PKIA: variants seen among roughly 807,000 people sequenced by gnomAD.
PKIA encodes the protein PKI-alpha.
Under a neutral mutation model 7.6 loss-of-function variants are expected in PKIA, and 4 were observed. The ratio of observed to expected loss-of-function variants is 0.52; its 90% CI spans 0.26 to 1.20. The LOEUF (loss-of-function observed/expected upper bound fraction) is 1.20, where lower values mean the gene tolerates loss of function less well. Among genes scored for constraint, PKIA ranks in the 50% most tolerant of loss-of-function variants. The probability of loss-of-function intolerance (pLI) is 0.13; values close to 1 mark genes in which losing one functional copy is unlikely to be tolerated. For missense variants in PKIA, 73 were observed against 86.2 expected (o/e 0.85, Z 0.61); for synonymous variants, 21 against 30.7 (o/e 0.68, Z 1.04).
At chr8:78,555,748 A>C (rs1315343956) in intron 1 of PKIA, among the ~76,000 whole-genome samples, 1 of 151,946 alleles carries the variant, frequency 6.6e-6, no homozygotes, top group Non-Finnish European at 1.5e-5. Flanking sequence ...TGTGTGTGTG[A>C]GAGAGTGTTT....
rs1808381705 is a variant in PKIA, at chr8:78,602,718, A to ATATATAT, written c.*897_*898insTATATAT. On this transcript the variant is annotated 3_prime_UTR_variant, in exon 4 of 4. Transcript: ENST00000396418. ...TAATATATATATATATATATATTTT[A>ATATATAT]ATTTATGAGAATTTTGGACAATTGG... 7.8e-6 allele frequency: 1 copy of ATATATAT among 128,414 alleles called. No individual in the cohort carries two copies. Among genetic ancestry groups the ATATATAT allele is most frequent in the African/African-American group, 3.2e-5 (1 of 31,210 alleles). The allele number at this position is 128,414 out of a possible 1,614,324, so 8.0% of individuals were successfully genotyped here.
At chr8:78,540,219 C>T (rs1356000478) in intron 1 of PKIA, among the ~76,000 whole-genome samples, 3 of 151,860 alleles carry the variant, frequency 2.0e-5, no homozygotes, top group Middle Eastern at 3.2e-3. Flanking sequence ...ATATAGGTCT[C>T]GAGGGTGCCA....
rs967724905 is a variant in PKIA at position 78,603,988 on chromosome 8, A to G, written c.*2167A>G. ...ACTTCTTACTACTGCTTTGTCTGCT[A>G]TATTCAAACCCAAAGGCATTCCCAA... On this transcript the variant is annotated 3_prime_UTR_variant, in exon 4 of 4. Transcript: ENST00000396418. The G allele has an allele frequency of 5.9e-5, 9 of 151,992 alleles. No individual in the cohort carries two copies. The highest frequency in any genetic ancestry group is 1.7e-4 in the African/African-American group (7 of 41,416). 9.4% of individuals were successfully genotyped at this position (151,992 alleles called of 1,614,324 possible).
chr8:78,518,709 C>T (rs193019822), intron 1 of PKIA, among the ~76,000 whole-genome samples: 11 of 152,300 alleles, frequency 7.2e-5, no homozygotes, highest in Middle Eastern at 6.8e-3. Context: ...GATTAGGAGA[C>T]TGGTGCTGCC....
chr8:78,525,034 C>T (rs370861405), intron 1 of PKIA, among the ~76,000 whole-genome samples: 3 of 151,770 alleles, frequency 2.0e-5, no homozygotes, highest in East Asian at 3.9e-4. Context: ...GAACTACCCT[C>T]TTCCCTGGTT....
chr8:78,588,297 A>G (rs201103654), intron 2 of PKIA, among the ~76,000 whole-genome samples: 1 of 152,028 alleles, frequency 6.6e-6, no homozygotes, highest in African/African-American at 2.4e-5. Flanking sequence ...CCTGACCAAC[A>G]TGGAGAAACC....
At chr8:78,518,550 A>G (rs1809358336) in intron 1 of PKIA, among the ~76,000 whole-genome samples, 1 of 152,240 alleles carries the variant, frequency 6.6e-6, no homozygotes, top group South Asian at 2.1e-4. Context: ...AATTGATCTT[A>G]GAAATACAAT....
At chr8:78,581,321 C>T (rs73687534) in intron 2 of PKIA, among the ~76,000 whole-genome samples, 2,657 of 151,958 alleles carry the variant, frequency 0.017, 75 homozygotes, top group African/African-American at 0.062. Flanking sequence ...ATAAAATGGT[C>T]AATGAGTTTA....
intron 2 of PKIA, among the ~76,000 whole-genome samples, chr8:78,576,746 A>G (rs1252826275): frequency 1.3e-5 from 2 of 152,016 alleles, no homozygotes; most frequent in Admixed American, 6.6e-5. Flanking sequence ...TGACAGTGGC[A>G]TAGTGAGATA....
chr8:78,518,011 CTCTT>C (rs1228956528), intron 1 of PKIA, among the ~76,000 whole-genome samples: 5 of 152,078 alleles, frequency 3.3e-5, no homozygotes, highest in African/African-American at 7.2e-5. Context: ...AAAATTTTAC[CTCTT>C]TCTTTCCTCT....
intron 1 of PKIA, among the ~76,000 whole-genome samples, chr8:78,519,814 A>AT (rs774495346): frequency 1.3e-5 from 2 of 152,138 alleles, no homozygotes; most frequent in Non-Finnish European, 2.9e-5. Context: ...TTTGTACCCC[A>AT]TGGTGGCATG....
intron 2 of PKIA, among the ~76,000 whole-genome samples, chr8:78,584,617 A>G (rs1002999672): frequency 3.3e-5 from 5 of 152,158 alleles, no homozygotes; most frequent in Non-Finnish European, 7.4e-5. Context: ...AACATTACTA[A>G]TGCATAATGC....
At chr8:78,594,763 G>C (rs1158284757) in intron 2 of PKIA, among the ~76,000 whole-genome samples, 1 of 152,134 alleles carries the variant, frequency 6.6e-6, no homozygotes, top group Admixed American at 6.5e-5. Flanking sequence ...AAAATCAATA[G>C]CATGTCTTAA....
At chr8:78,570,635 A>G (rs988242332) in intron 1 of PKIA, among the ~76,000 whole-genome samples, 8 of 151,870 alleles carry the variant, frequency 5.3e-5, no homozygotes, top group Non-Finnish European at 2.9e-5. Flanking sequence ...AAATCATTCA[A>G]TGGCTTTCCA....
rs2130297253 is a variant in PKIA, at chr8:78,601,773, A to G, written c.183A>G (p.Thr61=). 6.2e-7 allele frequency: 1 copy of G among 1,612,536 alleles called. No individual in the cohort carries two copies. The part of the protein sequence containing the change: ...EGEEDAQRSS[T]EQSGEAQGEA... Reference sequence around the variant, plus strand: ...AAGAAGATGCACAACGAAGTTCTACAGAACAAAGTGGGGAAGCCCAGGGAG... The same window carrying G: ...AAGAAGATGCACAACGAAGTTCTACGGAACAAAGTGGGGAAGCCCAGGGAG... Residue 61 remains threonine, a synonymous_variant, in exon 4 of 4, where the codon ACA becomes ACG. Transcript: ENST00000396418.
intron 2 of PKIA, among the ~76,000 whole-genome samples, chr8:78,597,526 G>A (rs190496273): frequency 1.6e-4 from 24 of 152,220 alleles, no homozygotes; most frequent in East Asian, 1.2e-3. Context: ...TTAACAGACT[G>A]TACAGACAAT....
Position 78,601,759 on chromosome 8 carries a change from C to G in PKIA, c.169C>G (p.Gln57Glu). ...TTTTGCAGAAGGTGAAGAAGATGCACAACGAAGTTCTACAGAACAAAGTGG... is the reference window on the plus strand; with the variant it reads ...TTTTGCAGAAGGTGAAGAAGATGCAGAACGAAGTTCTACAGAACAAAGTGG... The part of the protein sequence containing the change: ...INKTEGEEDA[Q>E]RSSTEQSGEA... The change falls in exon 4 of 4, where the codon CAA becomes GAA. Residue 57 changes from glutamine (Q) to glutamate (E), a missense_variant. Coordinates refer to ENST00000396418, the MANE Select transcript of PKIA (RefSeq NM_006823.4). 1 of 1,612,028 alleles carries G rather than the reference C, an allele frequency of 6.2e-7. No homozygotes were observed.
At chr8:78,552,993 T>C (rs1261853868) in intron 1 of PKIA, among the ~76,000 whole-genome samples, 3 of 151,938 alleles carry the variant, frequency 2.0e-5, no homozygotes, top group Admixed American at 6.6e-5. Flanking sequence ...TATGTATAAT[T>C]TAAACTATCA....
chr8:78,533,551 C>G (rs1806444605), intron 1 of PKIA, among the ~76,000 whole-genome samples: 1 of 152,018 alleles, frequency 6.6e-6, no homozygotes, highest in Admixed American at 6.6e-5. Context: ...TGAAAGTGTA[C>G]TTAAAATTCA....
Sources: gnomAD v4.1 joint callset for allele counts (sites outside exome capture counted in the v4.1 genomes callset) on GRCh38, gnomAD v4.1.1 for gene constraint, MANE v1.5 for transcripts, NCBI Gene and HGNC (gene_info 2026-07-23, HGNC 2026-07-21) for gene names.